YIPF6: variants seen among roughly 807,000 people sequenced by gnomAD.
YIPF6 encodes protein YIPF6.
In YIPF6, 3 loss-of-function variants were observed where a neutral mutation model predicts 16.8. That is an observed-to-expected ratio of 0.18 (90% CI 0.08 to 0.46). YIPF6 has a LOEUF of 0.46. Among genes scored for constraint, YIPF6 ranks in the 20% least tolerant of loss-of-function variants. YIPF6 has a pLI of 0.98. For synonymous variants in YIPF6, 67 were observed against 61.9 expected, an observed-to-expected ratio of 1.08 and a Z score of -0.38; for missense variants, 145 against 184.9, an observed-to-expected ratio of 0.78 and a Z score of 1.25.
At chrX:68,499,936 G>A (rs1480324150) in intron 1 of YIPF6, among the ~76,000 whole-genome samples, 2 of 112,208 alleles carry the variant, frequency 1.8e-5, no homozygotes, top group South Asian at 3.6e-4. Context: ...CACTGTGCCC[G>A]GCCATCTTCA....
Position 68,513,419 on chromosome X carries a change from G to A in YIPF6, c.265+14G>A, listed in dbSNP as rs373930323. The A allele has an allele frequency of 1.8e-6, 2 of 1,134,471 alleles. No homozygotes were observed. The highest frequency in any genetic ancestry group is 2.0e-5 in the South Asian group (1 of 50,812). 93.5% of individuals were successfully genotyped at this position (1,134,471 alleles called of 1,213,427 possible). A position where few individuals can be genotyped will look rare whatever the true frequency, so the allele number is the denominator to read the frequency against. ...TTTTGAGAGATTGTAAGTATATGAG[G>A]TTTTTAAGGGTTTGCTTAATCTATC... On this transcript the variant is annotated intron_variant, in intron 3 of 6. Transcript: ENST00000462683.
intron 1 of YIPF6, among the ~76,000 whole-genome samples, chrX:68,499,673 T>G (rs2079033557): frequency 8.9e-6 from 1 of 112,160 alleles, no homozygotes; most frequent in Admixed American, 9.5e-5. Flanking sequence ...GGTCTCACTC[T>G]GTCACCCAGG....
chrX:68,525,810 T>C (rs2079145519), intron 6 of YIPF6, among the ~76,000 whole-genome samples: 1 of 111,788 alleles, frequency 8.9e-6, no homozygotes, highest in Non-Finnish European at 1.9e-5. Context: ...GGAGGCATTA[T>C]TTCTGAGGCC....
chrX:68,520,395 C>T (rs1233583378), intron 4 of YIPF6, among the ~76,000 whole-genome samples: 1 of 112,163 alleles, frequency 8.9e-6, no homozygotes, highest in Non-Finnish European at 1.9e-5. Flanking sequence ...AAAGCAAAAC[C>T]CTTTAGTAAT....
chrX:68,501,147 A>G (rs2079039819), intron 1 of YIPF6, among the ~76,000 whole-genome samples: 1 of 112,056 alleles, frequency 8.9e-6, no homozygotes, highest in South Asian at 3.7e-4. Flanking sequence ...GGGAATGCAA[A>G]GGGCCTGCCT....
At position 68,532,702 on chromosome X, in the gene YIPF6, C is replaced by T. The variant is rs1428582510; in HGVS notation, c.*703C>T. ...ATGTTTAACAGCATCTTGGTTGGCA[C>T]TCTAGTCTTAATCTTGCTCCTTAAC... On this transcript the variant is annotated 3_prime_UTR_variant, in exon 7 of 7. Transcript: ENST00000462683. 9.0e-6 allele frequency: 1 copy of T among 111,014 alleles called. No homozygotes were observed. Among genetic ancestry groups the T allele is most frequent in the Non-Finnish European group, 1.9e-5 (1 of 53,042 alleles). The allele number at this position is 111,014 out of a possible 1,213,427, so 9.1% of individuals were successfully genotyped here. A position where few individuals can be genotyped will look rare whatever the true frequency, so the allele number is the denominator to read the frequency against.
Position 68,533,752 on chromosome X carries a change from T to A in YIPF6, c.*1753T>A, listed in dbSNP as rs1272247020. The A allele has an allele frequency of 8.9e-6, 1 of 112,104 alleles. No homozygotes were observed. Among genetic ancestry groups the A allele is most frequent in the Non-Finnish European group, 1.9e-5 (1 of 53,210 alleles). The allele number at this position is 112,104 out of a possible 1,213,427, so 9.2% of individuals were successfully genotyped here. A position where few individuals can be genotyped will look rare whatever the true frequency, so the allele number is the denominator to read the frequency against. On this transcript the variant is annotated 3_prime_UTR_variant, in exon 7 of 7. Transcript: ENST00000462683. Reference sequence around the variant, plus strand: ...AGCCAATGTTTCAATCTTGAATGAGTAAAGAAAATACTTTGGAACTGATCC... The same window carrying A: ...AGCCAATGTTTCAATCTTGAATGAGAAAAGAAAATACTTTGGAACTGATCC...
In YIPF6 at chrX:68,533,318, G is replaced by C. The variant is rs1328316269; in HGVS notation, c.*1319G>C. On this transcript the variant is annotated 3_prime_UTR_variant, in exon 7 of 7. Transcript: ENST00000462683. ...GGACAGGCTGATTCTGAGCTAAACA[G>C]GGCTCCTTTAAGGCAATATGAACTG... is the stretch of plus-strand genomic sequence containing the variant. 1 of 111,504 alleles carries C rather than the reference G, an allele frequency of 9.0e-6. No homozygotes were observed. The highest frequency in any genetic ancestry group is 1.9e-5 in the Non-Finnish European group (1 of 53,117). The allele number at this position is 111,504 out of a possible 1,213,427, so 9.2% of individuals were successfully genotyped here.
chrX:68,505,339 A>G lies in YIPF6; in HGVS notation c.57+6216A>G, dbSNP rs182589308. Among the ~76,000 whole-genome samples, 229 of 111,024 alleles carry G rather than the reference A, an allele frequency of 2.1e-3. 2 individuals carry two copies. Among genetic ancestry groups the G allele is most frequent in the African/African-American group, 7.2e-3 (220 of 30,536 alleles). ...ACAGGAGACTCGCTTGAATCCAGGA[A>G]ACAGAGGTTGCAGTGAGCCGAGATC... On this transcript the variant is annotated intron_variant, in intron 1 of 6. Transcript: ENST00000462683.
At chrX:68,514,308 G>T (rs1261388227) in intron 3 of YIPF6, 1 of 107,423 alleles carries the variant, frequency 9.3e-6, no homozygotes, top group African/African-American at 3.4e-5. Context: ...ATTTCTGGAG[G>T]CTGCTAATTT....
At chrX:68,510,281 T>G (rs2079075214) in intron 1 of YIPF6, among the ~76,000 whole-genome samples, 1 of 112,034 alleles carries the variant, frequency 8.9e-6, no homozygotes, top group South Asian at 3.6e-4. Context: ...GTGTGTTTAT[T>G]TCAATACATG....
At chrX:68,504,982 T>C (rs1170444419) in intron 1 of YIPF6, among the ~76,000 whole-genome samples, 1 of 112,221 alleles carries the variant, frequency 8.9e-6, no homozygotes, top group Non-Finnish European at 1.9e-5. Context: ...TGTTTGACTT[T>C]AAAGCCTGTT....
At chrX:68,523,183 G>T (rs1392585335) in intron 6 of YIPF6, among the ~76,000 whole-genome samples, 1 of 109,395 alleles carries the variant, frequency 9.1e-6, no homozygotes, top group Non-Finnish European at 1.9e-5. Flanking sequence ...ACTACATTTA[G>T]CCTAGTCCTG....
At chrX:68,523,475 A>G (rs770233382) in intron 6 of YIPF6, among the ~76,000 whole-genome samples, 3 of 111,959 alleles carry the variant, frequency 2.7e-5, no homozygotes, top group Admixed American at 1.9e-4. Flanking sequence ...CCAGGCAGTC[A>G]TGAACCTTTA....
intron 1 of YIPF6, chrX:68,510,792 C>T (rs914481400): frequency 1.8e-5 from 2 of 111,281 alleles, no homozygotes; most frequent in African/African-American, 6.5e-5. Flanking sequence ...CGCCACCACG[C>T]GCAGCTAATT....
At position 68,532,066 on chromosome X, in the gene YIPF6, G is replaced by A; in HGVS notation, c.*67G>A. The A allele has an allele frequency of 1.2e-6, 1 of 866,846 alleles. No individual in the cohort carries two copies. The highest frequency in any genetic ancestry group is 1.7e-6 in the Non-Finnish European group (1 of 603,234). The allele number at this position is 866,846 out of a possible 1,213,427, so 71.4% of individuals were successfully genotyped here. On this transcript the variant is annotated 3_prime_UTR_variant, in exon 7 of 7. Transcript: ENST00000462683. ...TCTGAAAGATGCAATTCACCATGGA[G>A]CTTTGTCTCTGGCCCTTATTTGTCT...
At chrX:68,528,049 G>A (rs1307762294) in intron 6 of YIPF6, among the ~76,000 whole-genome samples, 1 of 111,506 alleles carries the variant, frequency 9.0e-6, no homozygotes, top group African/African-American at 3.3e-5. Flanking sequence ...TTAATTTTCT[G>A]TCTCGTCTAT....
intron 2 of YIPF6, 70 bp downstream of exon 2, chrX:68,512,047 T>C: frequency 9.9e-7 from 1 of 1,014,394 alleles, no homozygotes. Flanking sequence ...TACTTTGCAA[T>C]ATTTTCATTT....
At chrX:68,529,559 G>T (rs2079162954) in intron 6 of YIPF6, among the ~76,000 whole-genome samples, 1 of 110,941 alleles carries the variant, frequency 9.0e-6, no homozygotes, top group Non-Finnish European at 1.9e-5. Context: ...AGACATTCTG[G>T]TTTTTGGAAT....
Sources: gnomAD v4.1 joint callset for allele counts (sites outside exome capture counted in the v4.1 genomes callset) on GRCh38, gnomAD v4.1.1 for gene constraint, MANE v1.5 for transcripts, NCBI Gene and HGNC (gene_info 2026-07-23, HGNC 2026-07-21) for gene names.